Variants in PTPRG observed in about 807,000 individuals in gnomAD.
PTPRG encodes protein tyrosine phosphatase receptor type G, also known as receptor-type tyrosine-protein phosphatase gamma.
Under a neutral mutation model 165.3 loss-of-function variants are expected in PTPRG, and 102 were observed. The observed-to-expected ratio is 0.62, with a 90% CI of 0.53 to 0.73. PTPRG has a LOEUF of 0.73. Among genes scored for constraint, PTPRG ranks in the 30% least tolerant of loss-of-function variants. The pLI is 0.00. For missense variants in PTPRG, 1,866 were observed against 1,861.4 expected (o/e 1.00, Z -0.05); for synonymous variants, 675 against 669.5 (o/e 1.01, Z -0.13).
intron 6 of PTPRG, among the ~76,000 whole-genome samples, chr3:62,137,245 C>G (rs1703743288): frequency 6.6e-6 from 1 of 152,082 alleles, no homozygotes; most frequent in Non-Finnish European, 1.5e-5. Context: ...TTTTTGTATA[C>G]AAGAACCAGC....
At chr3:61,745,374 A>G (rs2033158565) in intron 1 of PTPRG, among the ~76,000 whole-genome samples, 2 of 152,136 alleles carry the variant, frequency 1.3e-5, no homozygotes, top group African/African-American at 4.8e-5. Flanking sequence ...ATGAACACAC[A>G]CCATGCGCTG....
At chr3:62,044,054 C>G (rs966690323) in intron 4 of PTPRG, among the ~76,000 whole-genome samples, 2 of 152,144 alleles carry the variant, frequency 1.3e-5, no homozygotes, top group African/African-American at 4.8e-5. Context: ...TCTTTGGAGC[C>G]ATGAACACTC....
chr3:61,567,208 C>A (rs1215357200), intron 1 of PTPRG, among the ~76,000 whole-genome samples: 1 of 152,080 alleles, frequency 6.6e-6, no homozygotes, highest in Non-Finnish European at 1.5e-5. Context: ...ACACTGCTCC[C>A]CACCTTTAAT....
intron 1 of PTPRG, among the ~76,000 whole-genome samples, chr3:61,712,175 T>C (rs1368276905): frequency 6.6e-6 from 1 of 152,174 alleles, no homozygotes; most frequent in African/African-American, 2.4e-5. Flanking sequence ...ATTACAGGTG[T>C]GAGCCACCGC....
chr3:62,103,537 A>G (rs966115584), intron 5 of PTPRG, among the ~76,000 whole-genome samples: 3 of 152,218 alleles, frequency 2.0e-5, no homozygotes, highest in African/African-American at 7.2e-5. Flanking sequence ...AGAAAGGAAT[A>G]CATAATTATC....
intron 2 of PTPRG, among the ~76,000 whole-genome samples, chr3:61,790,745 ATT>A (rs367605654): frequency 1.2e-4 from 17 of 138,544 alleles, no homozygotes; most frequent in Non-Finnish European, 1.7e-4. Flanking sequence ...GACTTCTGTG[ATT>A]TTTTTTTTTT....
chr3:62,221,798 G>A (rs1454689977), intron 13 of PTPRG, among the ~76,000 whole-genome samples: 7 of 152,146 alleles, frequency 4.6e-5, no homozygotes, highest in Admixed American at 4.6e-4. Flanking sequence ...TCTGATTTTT[G>A]AGTGTGTTTT....
intron 2 of PTPRG, among the ~76,000 whole-genome samples, chr3:61,781,890 G>GTTTTTT (rs34682047): frequency 1.5e-5 from 2 of 133,738 alleles, no homozygotes; most frequent in Non-Finnish European, 1.6e-5. Flanking sequence ...ACCATGCCCA[G>GTTTTTT]TTTTTTTTTT....
At position 61,992,567 on chromosome 3, in the gene PTPRG, C is replaced by A. The variant is rs569515536; in HGVS notation, c.370+2763C>A. ...GGAGTCTCGCTCTTGTCACCCAGGC[C>A]GCAGTGCATTGGTGCAATCTCGGCT... On this transcript the variant is annotated intron_variant, in intron 3 of 29. Coordinates refer to ENST00000474889, the MANE Select transcript of PTPRG (RefSeq NM_002841.4). Among the ~76,000 whole-genome samples the A allele has an allele frequency of 9.9e-5, 15 of 151,756 alleles. No homozygotes were observed. In the South Asian group the frequency reaches 2.9e-3, roughly 30 times the overall value.
At chr3:61,818,554 T>G (rs1482226008) in intron 2 of PTPRG, among the ~76,000 whole-genome samples, 1 of 152,064 alleles carries the variant, frequency 6.6e-6, no homozygotes, top group African/African-American at 2.4e-5. Context: ...ATCCCAGCAC[T>G]TTGAGAGGCT....
chr3:62,045,521 A>G (rs188300964), intron 4 of PTPRG, among the ~76,000 whole-genome samples: 2 of 152,194 alleles, frequency 1.3e-5, no homozygotes. Flanking sequence ...CATTTTGTCC[A>G]GCTCTTAGAT....
intron 2 of PTPRG, among the ~76,000 whole-genome samples, chr3:61,801,458 A>T (rs1247520081): frequency 2.0e-5 from 3 of 151,412 alleles, no homozygotes; most frequent in East Asian, 1.9e-4. Context: ...CATAAATATA[A>T]TTTTTTTTAC....
At position 62,191,680 on chromosome 3, in the gene PTPRG, G is replaced by T. The variant is rs769469818; in HGVS notation, c.1218+27G>T. 3.7e-6 allele frequency: 6 copies of T among 1,604,862 alleles called. No homozygotes were observed. The East Asian group carries it at 1.3e-4, about 36-fold the overall frequency. On this transcript the variant is annotated intron_variant, in intron 9 of 29. Coordinates refer to ENST00000474889, the MANE Select transcript of PTPRG (RefSeq NM_002841.4). ...TATGAAGCCCCTCCTCTGATTCAGGGTACATGCTGCAGAGAGGGACTCCTG... is the reference window on the plus strand; with the variant it reads ...TATGAAGCCCCTCCTCTGATTCAGGTTACATGCTGCAGAGAGGGACTCCTG...
At chr3:61,986,552 G>A (rs921941861) in intron 2 of PTPRG, among the ~76,000 whole-genome samples, 2 of 152,154 alleles carry the variant, frequency 1.3e-5, no homozygotes, top group Non-Finnish European at 2.9e-5. Flanking sequence ...GTACTTAGAG[G>A]TTGGCAGTAT....
At chr3:62,164,132 TTGTCCGTA>T (rs1704874932) in intron 7 of PTPRG, among the ~76,000 whole-genome samples, 1 of 152,154 alleles carries the variant, frequency 6.6e-6, no homozygotes, top group African/African-American at 2.4e-5. Flanking sequence ...AGACACAACT[TTGTCCGTA>T]TGGTTTGTTC....
intron 5 of PTPRG, among the ~76,000 whole-genome samples, chr3:62,092,456 A>AAAAAAAAAAAAAAAAAAAC (rs1701975748): frequency 6.6e-6 from 1 of 150,926 alleles, no homozygotes; most frequent in Non-Finnish European, 1.5e-5. Context: ...AAAAAAAAAA[A>AAAAAAAAAAAAAAAAAAAC]AAAGAAAAAG....
chr3:62,056,148 A>G (rs748454830), intron 4 of PTPRG, among the ~76,000 whole-genome samples: 2 of 152,216 alleles, frequency 1.3e-5, no homozygotes, highest in Admixed American at 6.5e-5. Flanking sequence ...GAGTAGGCAA[A>G]TATCAGGATA....
At chr3:62,101,398 C>A (rs1490003145) in intron 5 of PTPRG, among the ~76,000 whole-genome samples, 1 of 152,212 alleles carries the variant, frequency 6.6e-6, no homozygotes, top group Non-Finnish European at 1.5e-5. Context: ...TGTGTGCATA[C>A]GGAATCTATA....
At chr3:61,970,536 T>G (rs1257152974) in intron 2 of PTPRG, among the ~76,000 whole-genome samples, 1 of 152,210 alleles carries the variant, frequency 6.6e-6, no homozygotes, top group Non-Finnish European at 1.5e-5. Context: ...AGATTTTAGT[T>G]GTTAATATGC....
Sources: gnomAD v4.1 joint callset for allele counts (sites outside exome capture counted in the v4.1 genomes callset) on GRCh38, gnomAD v4.1.1 for gene constraint, MANE v1.5 for transcripts, NCBI Gene and HGNC (gene_info 2026-07-23, HGNC 2026-07-21) for gene names.